LINGO2: variants seen among roughly 807,000 people sequenced by gnomAD.
The protein encoded by LINGO2 is leucine-rich repeat and immunoglobulin-like domain-containing nogo receptor-interacting protein 2.
Under a neutral mutation model 30.6 loss-of-function variants are expected in LINGO2, and 14 were observed. That is an observed-to-expected ratio of 0.46 (90% CI 0.30 to 0.72). The LOEUF (loss-of-function observed/expected upper bound fraction) is 0.72, where lower values mean the gene tolerates loss of function less well. Ranked by LOEUF, LINGO2 falls within the 30% of genes least tolerant of loss-of-function variation. The pLI is 0.07. For synonymous variants in LINGO2, 317 were observed against 288.5 expected, an observed-to-expected ratio of 1.10 and a Z score of -1.00; for missense variants, 729 against 751.7, an observed-to-expected ratio of 0.97 and a Z score of 0.35.
chr9:28,175,609 G>A (rs1828728887), intron 4 of LINGO2, among the ~76,000 whole-genome samples: 1 of 152,104 alleles, frequency 6.6e-6, no homozygotes, highest in South Asian at 2.1e-4. Context: ...TGGGAACTCT[G>A]TTCCAAAATG....
chr9:28,742,254 C>G, the LINGO2 span, among the ~76,000 whole-genome samples: 1 of 135,716 alleles, frequency 7.4e-6, no homozygotes, highest in Non-Finnish European at 1.6e-5. Flanking sequence ...GTAAAAATGT[C>G]CATCCTACTC....
the LINGO2 span, among the ~76,000 whole-genome samples, chr9:29,143,286 C>T: frequency 6.6e-6 from 1 of 151,962 alleles, no homozygotes; most frequent in African/African-American, 2.4e-5. Context: ...TATCAAAATT[C>T]CAATGGCATT....
At chr9:29,154,329 A>T in the LINGO2 span, among the ~76,000 whole-genome samples, 1 of 151,994 alleles carries the variant, frequency 6.6e-6, no homozygotes, top group Admixed American at 6.6e-5. Flanking sequence ...GGGCGCCTGT[A>T]GTCCCAGCTA....
chr9:28,266,362 T>G (rs1462431014), intron 4 of LINGO2, among the ~76,000 whole-genome samples: 1 of 152,028 alleles, frequency 6.6e-6, no homozygotes, highest in African/African-American at 2.4e-5. Context: ...AGTGAGCTTT[T>G]CTGCCATCTT....
the LINGO2 span, among the ~76,000 whole-genome samples, chr9:28,820,704 G>A: frequency 6.6e-6 from 1 of 152,164 alleles, no homozygotes; most frequent in Non-Finnish European, 1.5e-5. Context: ...AGCAGTCCTG[G>A]GGCCATTGTT....
the LINGO2 span, among the ~76,000 whole-genome samples, chr9:29,011,897 A>G: frequency 6.6e-6 from 1 of 152,222 alleles, no homozygotes; most frequent in African/African-American, 2.4e-5. Context: ...CTCAAACTAC[A>G]TAAATGGCAA....
At chr9:28,452,572 A>T (rs1333822168) in intron 2 of LINGO2, among the ~76,000 whole-genome samples, 1 of 151,874 alleles carries the variant, frequency 6.6e-6, no homozygotes, top group African/African-American at 2.4e-5. Context: ...CTCATGCAAT[A>T]CACTGTTAGC....
chr9:28,411,106 A>G (rs1822743054), intron 2 of LINGO2, among the ~76,000 whole-genome samples: 1 of 152,146 alleles, frequency 6.6e-6, no homozygotes, highest in South Asian at 2.1e-4. Context: ...GTGATAGCAT[A>G]TCATTATAAA....
chr9:28,864,868 G>C, the LINGO2 span, among the ~76,000 whole-genome samples: 2 of 152,154 alleles, frequency 1.3e-5, no homozygotes, highest in African/African-American at 4.8e-5. Flanking sequence ...GTCTTGGTTA[G>C]ATGCTGGGGA....
intron 2 of LINGO2, among the ~76,000 whole-genome samples, chr9:28,380,389 G>GTT (rs199875137): frequency 0.16 from 4,904 of 30,904 alleles, 189 homozygotes; most frequent in East Asian, 0.41. Context: ...TGACTATAAA[G>GTT]GTTTTTTTTT....
chr9:28,382,267 T>A (rs191171066), intron 2 of LINGO2, among the ~76,000 whole-genome samples: 25 of 152,284 alleles, frequency 1.6e-4, no homozygotes, highest in Non-Finnish European at 2.5e-4. Flanking sequence ...ATTTATGACA[T>A]TCAAAATATG....
chr9:28,591,493 C>G (rs922949076), intron 1 of LINGO2, among the ~76,000 whole-genome samples: 1 of 151,954 alleles, frequency 6.6e-6, no homozygotes, highest in African/African-American at 2.4e-5. Context: ...TTTCTGCCCT[C>G]CTGTCTTCCA....
intron 5 of LINGO2, among the ~76,000 whole-genome samples, chr9:28,010,425 C>T (rs1165936498): frequency 6.6e-6 from 1 of 152,082 alleles, no homozygotes; most frequent in Admixed American, 6.5e-5. Context: ...CCATATGATA[C>T]CACTTGATTG....
intron 1 of LINGO2, among the ~76,000 whole-genome samples, chr9:28,641,678 T>G (rs926304038): frequency 3.3e-5 from 5 of 152,148 alleles, no homozygotes; most frequent in Non-Finnish European, 7.4e-5. Flanking sequence ...TATCGGAAAT[T>G]TAAATAAGAT....
At chr9:28,881,168 C>T in the LINGO2 span, among the ~76,000 whole-genome samples, 3 of 152,102 alleles carry the variant, frequency 2.0e-5, no homozygotes, top group African/African-American at 7.2e-5. Flanking sequence ...TCTCATCCCA[C>T]CCGACTAGAA....
At chr9:27,973,243 T>C (rs950243027) in intron 5 of LINGO2, among the ~76,000 whole-genome samples, 4 of 152,192 alleles carry the variant, frequency 2.6e-5, no homozygotes, top group Non-Finnish European at 5.9e-5. Flanking sequence ...TTTAAATAAA[T>C]GTCATTGTTG....
intron 5 of LINGO2, among the ~76,000 whole-genome samples, chr9:27,955,268 T>A (rs7025889): frequency 0.56 from 84,397 of 152,044 alleles, 24,853 homozygotes; most frequent in East Asian, 0.81. Context: ...CTCCACCTCA[T>A]AGAAGGTGGA....
At chr9:29,166,696 C>T in the LINGO2 span, among the ~76,000 whole-genome samples, 4 of 152,208 alleles carry the variant, frequency 2.6e-5, no homozygotes, top group South Asian at 8.3e-4. Flanking sequence ...GTTTGATAAA[C>T]TGAAATGTTT....
the LINGO2 span, among the ~76,000 whole-genome samples, chr9:28,787,070 T>C: frequency 6.6e-6 from 1 of 152,174 alleles, no homozygotes; most frequent in Admixed American, 6.5e-5. Flanking sequence ...AAATGTACTT[T>C]TGCTTAATCA....
Sources: allele counts gnomAD v4.1 joint callset (sites outside exome capture counted in the v4.1 genomes callset), GRCh38; gene constraint gnomAD v4.1.1; transcripts MANE v1.5; gene names NCBI Gene and HGNC (gene_info 2026-07-23, HGNC 2026-07-21).